The following SNX17 variants were observed in gnomAD, a reference collection of about 807,000 sequenced individuals.
The protein encoded by SNX17 is sorting nexin-17.
In SNX17, 35 loss-of-function variants were observed where a neutral mutation model predicts 64.3. The ratio of observed to expected loss-of-function variants is 0.54; its 90% CI spans 0.42 to 0.72. The LOEUF (loss-of-function observed/expected upper bound fraction) is 0.72. SNX17 is among the 30% of genes least tolerant of loss of function. SNX17 has a pLI of 0.00. For synonymous variants in SNX17, 259 were observed against 230.2 expected (o/e 1.13, Z -1.13); for missense variants, 538 against 610.0 (o/e 0.88, Z 1.24).
chr2:27,374,364 A>G lies in SNX17; in HGVS notation c.542A>G (p.Glu181Gly). 2 of 1,613,110 alleles carry G rather than the reference A, an allele frequency of 1.2e-6. No homozygotes were observed. Among genetic ancestry groups the G allele is most frequent in the Non-Finnish European group, 1.7e-6 (2 of 1,179,742 alleles). The change falls in exon 7 of 15, where the codon GAG (glutamate) becomes GGG (glycine). Residue 181 changes from glutamate to glycine, a missense_variant. Glu to Gly is a moderately conservative substitution (Grantham distance 98). Around this residue, in one of 3 missense-constraint regions of SNX17, gnomAD observed 505 missense variants for 550.4 expected, o/e 0.92. Transcript: ENST00000233575. ...CCTGTAGTTGTACGGAAGTTGCAAG[A>G]GTTTGAGCTGCCTTATGTGTCTGTC... ...GAFSFVRKLQ[E>G]FELPYVSVTS...
rs1403058185 is a variant in SNX17, at chr2:27,375,055, C to G, written c.682-6C>G. ...TCCTACTGCCTGCCCCTTGTCTCTACTATAGACGGTATCAGATATTGAGCG... is the reference window on the plus strand; with the variant it reads ...TCCTACTGCCTGCCCCTTGTCTCTAGTATAGACGGTATCAGATATTGAGCG... On this transcript the variant is annotated splice_polypyrimidine_tract_variant and splice_region_variant and intron_variant, in intron 8 of 14. Coordinates refer to ENST00000233575, the MANE Select transcript of SNX17 (RefSeq NM_014748.4). The surrounding 1 kb of genome is among the most constrained non-coding windows in gnomAD (Gnocchi z 4.1). 10 of 1,613,512 alleles carry G rather than the reference C, an allele frequency of 6.2e-6. No individual in the cohort carries two copies. Among genetic ancestry groups the G allele is most frequent in the Non-Finnish European group, 7.6e-6 (9 of 1,179,558 alleles).
chr2:27,376,635 A>T lies in SNX17; in HGVS notation c.1329A>T (p.Gly443=), dbSNP rs1296508725. Reference sequence around the variant, plus strand: ...AGCTGAGTGCCGTGAGCTTGCGGGGAATTGGCAGTCCCAGCACAGATGCCA... The same window carrying T: ...AGCTGAGTGCCGTGAGCTTGCGGGGTATTGGCAGTCCCAGCACAGATGCCA... The part of the protein sequence containing the change: ...SSKLSAVSLR[G]IGSPSTDASA... The change falls in exon 15 of 15, where the codon GGA becomes GGT. Residue 443 remains glycine, a synonymous_variant. Coordinates refer to ENST00000233575, the MANE Select transcript of SNX17 (RefSeq NM_014748.4). 6.2e-7 allele frequency: 1 copy of T among 1,614,080 alleles called. No individual in the cohort carries two copies. The highest frequency in any genetic ancestry group is 1.3e-5 in the African/African-American group (1 of 74,930).
At position 27,376,748 on chromosome 2, in the gene SNX17, C is replaced by G; in HGVS notation, c.*29C>G. The G allele has an allele frequency of 1.9e-6, 3 of 1,579,196 alleles. No individual in the cohort carries two copies. The highest frequency in any genetic ancestry group is 2.6e-6 in the Non-Finnish European group (3 of 1,149,336). ...CCACTGCTTGGATGTCTGCCCTCTA[C>G]CCCAGAGGAATTTACAGAAACTTGC... On this transcript the variant is annotated 3_prime_UTR_variant, in exon 15 of 15. Transcript: ENST00000233575.
At chr2:27,376,445 T>C in intron 13 of SNX17, 34 bp from the exon 14 acceptor site, 1 of 1,613,890 alleles carries the variant, frequency 6.2e-7, no homozygotes, top group Non-Finnish European at 8.5e-7. Context: ...CCTCTCCTAG[T>C]GAGTTTCTGA....
intron 14 of SNX17, 41 bp from the exon 15 acceptor site, chr2:27,376,565 G>A: frequency 4.3e-6 from 7 of 1,614,170 alleles, no homozygotes; most frequent in Non-Finnish European, 4.2e-6. Flanking sequence ...GGGGGATCTT[G>A]CACGCCCAAG....
intron 4 of SNX17, 151 bp downstream of exon 4, chr2:27,373,462 A>C: frequency 1.4e-6 from 1 of 726,834 alleles, no homozygotes; most frequent in Non-Finnish European, 2.3e-6. Context: ...TCCCGGATTC[A>C]AGCGATTCTC....
At chr2:27,371,556 A>G (rs1682549649) in intron 2 of SNX17, 1 of 1,073,768 alleles carries the variant, frequency 9.3e-7, no homozygotes, top group African/African-American at 1.7e-5. Flanking sequence ...TCCTGTTCTT[A>G]TATTCTGGTT....
intron 7 of SNX17, 92 bp from the exon 8 acceptor site, chr2:27,374,597 C>G (rs1682975998): frequency 3.7e-6 from 5 of 1,349,702 alleles, no homozygotes; most frequent in Admixed American, 3.4e-5. Context: ...CCTGATAGTT[C>G]CAGATTGCTC....
At chr2:27,374,881 G>C in intron 8 of SNX17, 123 bp downstream of exon 8, 1 of 1,028,356 alleles carries the variant, frequency 9.7e-7, no homozygotes, top group Non-Finnish European at 1.5e-6. Flanking sequence ...AATACTATCA[G>C]TGCTGCTGGC....
At position 27,375,355 on chromosome 2, in the gene SNX17, G is replaced by C; in HGVS notation, c.775-151G>C. 2 of 898,680 alleles carry C rather than the reference G, an allele frequency of 2.2e-6. No homozygotes were observed. The highest frequency in any genetic ancestry group is 3.4e-6 in the Non-Finnish European group (2 of 580,814). The allele number at this position is 898,680 out of a possible 1,614,324, so 55.7% of individuals were successfully genotyped here. On this transcript the variant is annotated intron_variant, in intron 9 of 14. Transcript: ENST00000233575. The surrounding 1 kb of genome is among the most constrained non-coding windows in gnomAD (Gnocchi z 4.1). ...GGGTTTCACCATGTTAGCCAGGATG[G>C]TCTTGAGCTCCTGACCTTGTGATCT...
chr2:27,376,504 C>T lies in SNX17; in HGVS notation c.1283C>T (p.Ser428Phe), dbSNP rs760510910. 1 of 1,614,164 alleles carries T rather than the reference C, an allele frequency of 6.2e-7. No homozygotes were observed. Among genetic ancestry groups the T allele is most frequent in the South Asian group, 1.1e-5 (1 of 91,082 alleles). ...LLESPDATRE[S>F]MVKLSSKLSA... The stretch of plus-strand genomic sequence containing the variant: ...GAGTCACCTGATGCCACCCGGGAGT[C>T]TATGGTCAAACTCTCAGTGAGTTCC... The change falls in exon 14 of 15, where the codon TCT becomes TTT. Residue 428 changes from serine to phenylalanine, a missense_variant. Ser to Phe is a radical substitution (Grantham distance 155, BLOSUM62 -2). This residue lies in a region of SNX17 where 505 missense variants were observed against 550.4 expected (regional missense o/e 0.92). Transcript: ENST00000233575.
Position 27,374,100 on chromosome 2 carries a change from C to G in SNX17, c.448C>G (p.Leu150Val). 6.2e-7 allele frequency: 1 copy of G among 1,614,194 alleles called. No individual in the cohort carries two copies. Among genetic ancestry groups the G allele is most frequent in the South Asian group, 1.1e-5 (1 of 91,086 alleles). ...EDVLEAVAAK[L>V]DLPDDLIGYF... ...CTATCCCCAGGCTGTAGCTGCAAAG[C>G]TGGATCTTCCAGATGACTTGATTGG... The change falls in exon 6 of 15, where the codon CTG becomes GTG. Residue 150 changes from leucine to valine, a missense_variant. Transcript: ENST00000233575.
rs777818780 is a variant in SNX17 at position 27,375,099 on chromosome 2, C to G, written c.720C>G (p.Thr240=). Residue 240 remains threonine (T), a synonymous_variant, in exon 9 of 15, where the codon ACC becomes ACG. Transcript: ENST00000233575. The surrounding 1 kb of genome is among the most constrained non-coding windows in gnomAD (Gnocchi z 4.1). ...SDIERGWILV[T]KEQHRQLKSL... ...TTGAGCGTGGGTGGATCTTGGTCAC[C>G]AAGGAACAGCACCGGCAACTCAAAT... 1.9e-6 allele frequency: 3 copies of G among 1,614,054 alleles called. No homozygotes were observed. Among genetic ancestry groups the G allele is most frequent in the Non-Finnish European group, 8.5e-7 (1 of 1,180,014 alleles).
rs756614251 is a variant in SNX17 at position 27,375,889 on chromosome 2, G to A, written c.1022G>A (p.Arg341Gln). 15 of 1,614,052 alleles carry A rather than the reference G, an allele frequency of 9.3e-6. No individual in the cohort carries two copies. In the Admixed American group the frequency reaches 1.2e-4, roughly 13 times the overall value. The change falls in exon 11 of 15, where the codon CGG becomes CAG. Residue 341 changes from arginine to glutamine, a missense_variant. Arg to Gln is a conservative substitution (Grantham distance 43). Transcript: ENST00000233575. This position sits in a 1 kb window ranked among gnomAD's most constrained non-coding sequence, Gnocchi z 4.1. ...SGSTSSPGRG[R>Q]GEVRLELAFE... ...AGCACGAGCAGCCCAGGCCGGGGCC[G>A]GGGTGAGGTGCGCCTGGAACTGGCT...
chr2:27,373,390 T>C (rs1682835945), intron 4 of SNX17, 79 bp downstream of exon 4: 3 of 1,477,200 alleles, frequency 2.0e-6, no homozygotes, highest in Non-Finnish European at 9.4e-7. Flanking sequence ...TGAGACAGAG[T>C]CTTGCTCTTT....
intron 2 of SNX17, among the ~76,000 whole-genome samples, chr2:27,371,901 T>G (rs116638290): frequency 0.034 from 5,158 of 152,316 alleles, 301 homozygotes; most frequent in African/African-American, 0.12. Context: ...TATCTTTTTT[T>G]GGGACGGAGT....
Position 27,370,658 on chromosome 2 carries a change from G to C in SNX17, c.-86G>C, listed in dbSNP as rs1363982877. 1 of 1,472,890 alleles carries C rather than the reference G, an allele frequency of 6.8e-7. No homozygotes were observed. The highest frequency in any genetic ancestry group is 9.0e-7 in the Non-Finnish European group (1 of 1,108,560). 91.2% of individuals were successfully genotyped at this position (1,472,890 alleles called of 1,614,324 possible). ...CCCAAAATGGCGAGTGAGGCTGCGG[G>C]GACTCGCTGAGCAGCGGAGGGGGAG... On this transcript the variant is annotated 5_prime_UTR_variant, in exon 1 of 15. Transcript: ENST00000233575.
Position 27,373,248 on chromosome 2 carries a change from T to G in SNX17, c.258T>G (p.Val86=), listed in dbSNP as rs1682821798. 1 of 1,614,068 alleles carries G rather than the reference T, an allele frequency of 6.2e-7. No individual in the cohort carries two copies. Among genetic ancestry groups the G allele is most frequent in the Non-Finnish European group, 8.5e-7 (1 of 1,180,024 alleles). ...AATAATGTTCTCTTGTCCTCGTAGT[T>G]CGGCAAGACCCATTGCTTGGGAGCA... ...REQLEKYMQA[V]RQDPLLGSSE... is the part of the protein sequence containing the mutation. Residue 86 remains valine, a splice_region_variant and synonymous_variant, in exon 4 of 15, where the codon GTT becomes GTG. Coordinates refer to ENST00000233575, the MANE Select transcript of SNX17 (RefSeq NM_014748.4).
Position 27,375,955 on chromosome 2 carries a change from C to G in SNX17, c.1088C>G (p.Thr363Ser). Residue 363 changes from threonine to serine, a missense_variant, in exon 11 of 15, where the codon ACC becomes AGC. Thr to Ser is a moderately conservative substitution (Grantham distance 58, BLOSUM62 1). Coordinates refer to ENST00000233575, the MANE Select transcript of SNX17 (RefSeq NM_014748.4). The surrounding 1 kb of genome is among the most constrained non-coding windows in gnomAD (Gnocchi z 4.1). ...AGCAAGGACCGGCTACAGTGGGTCACCATCACTAGCCCCCAGGTGTGAACC... is the reference window on the plus strand; with the variant it reads ...AGCAAGGACCGGCTACAGTGGGTCAGCATCACTAGCCCCCAGGTGTGAACC... The part of the protein sequence containing the change: ...LMSKDRLQWV[T>S]ITSPQAIMMS... 1 of 1,614,150 alleles carries G rather than the reference C, an allele frequency of 6.2e-7. No individual in the cohort carries two copies. The highest frequency in any genetic ancestry group is 8.5e-7 in the Non-Finnish European group (1 of 1,180,026).
Sources: allele counts gnomAD v4.1 joint callset (sites outside exome capture counted in the v4.1 genomes callset), GRCh38; gene constraint gnomAD v4.1.1; regional missense constraint gnomAD v4.1.1; non-coding constraint Gnocchi (gnomAD v3.1); transcripts MANE v1.5; gene names NCBI Gene and HGNC (gene_info 2026-07-23, HGNC 2026-07-21).